Variants in ANKRD31 observed in about 807,000 individuals in gnomAD.
The protein encoded by ANKRD31 is ankyrin repeat domain 31, also known as ankyrin repeat domain-containing protein 31.
ANKRD31 carries 147 observed loss-of-function variants against 186.0 expected under a neutral mutation model. The ratio of observed to expected loss-of-function variants is 0.79; its 90% CI spans 0.69 to 0.91. The LOEUF (loss-of-function observed/expected upper bound fraction) is 0.91. ANKRD31 is among the 40% of genes least tolerant of loss of function. ANKRD31 has a pLI of 0.00. For missense variants in ANKRD31, 1,986 were observed against 2,148.8 expected (o/e 0.92, Z 1.50); for synonymous variants, 673 against 736.4 (o/e 0.91, Z 1.39).
intron 2 of ANKRD31, among the ~76,000 whole-genome samples, chr5:75,223,839 T>A (rs1322834573): frequency 6.6e-6 from 1 of 151,868 alleles, no homozygotes; most frequent in East Asian, 1.9e-4. Flanking sequence ...GAGATTAATA[T>A]CCTTATAAAA....
intron 11 of ANKRD31, among the ~76,000 whole-genome samples, chr5:75,158,389 A>G (rs1752339359): frequency 6.6e-6 from 1 of 152,192 alleles, no homozygotes; most frequent in Non-Finnish European, 1.5e-5. Flanking sequence ...TGTGAGGGAA[A>G]TAGACTTCAC....
At position 75,137,899 on chromosome 5, in the gene ANKRD31, C is replaced by T. The variant is rs982279923; in HGVS notation, c.3833G>A (p.Gly1278Glu). The T allele has an allele frequency of 7.2e-6, 11 of 1,533,230 alleles. No homozygotes were observed. The East Asian group carries it at 7.4e-5, about 10-fold the overall frequency. 95.0% of individuals were successfully genotyped at this position (1,533,230 alleles called of 1,614,324 possible). A position where few individuals can be genotyped will look rare whatever the true frequency, so the allele number is the denominator to read the frequency against. ...AACAGCATCATGTAAGGGCAGAATT[C>T]CATCTATATTTTCACAATTAACCTT... Reference protein sequence around the residue: ...GAKVNCENIDGILPLHDAVAN... With the variant: ...GAKVNCENIDEILPLHDAVAN... The change falls in exon 17 of 26, where the codon GGA (glycine) becomes GAA (glutamate). Residue 1278 changes from glycine to glutamate, a missense_variant. By Grantham distance (98) the Gly-to-Glu change is moderately conservative. Transcript: ENST00000506364.
At chr5:75,172,253 T>C (rs1753387951) in intron 10 of ANKRD31, among the ~76,000 whole-genome samples, 3 of 151,718 alleles carry the variant, frequency 2.0e-5, no homozygotes, top group Admixed American at 2.0e-4. Flanking sequence ...GTTTAACATT[T>C]GAAAATCAAT....
chr5:75,220,515 G>A (rs1049843341), intron 3 of ANKRD31, among the ~76,000 whole-genome samples: 5 of 151,932 alleles, frequency 3.3e-5, no homozygotes, highest in Non-Finnish European at 7.4e-5. Flanking sequence ...GATGGTGCAT[G>A]CCTGTAATTC....
intron 22 of ANKRD31, among the ~76,000 whole-genome samples, chr5:75,098,498 T>C (rs1246334080): frequency 6.6e-6 from 1 of 152,146 alleles, no homozygotes; most frequent in African/African-American, 2.4e-5. Context: ...GGGGATGGCA[T>C]TGAATCTATA....
chr5:75,224,055 T>G (rs1757461548), intron 2 of ANKRD31, among the ~76,000 whole-genome samples: 1 of 146,836 alleles, frequency 6.8e-6, no homozygotes, highest in South Asian at 2.2e-4. Flanking sequence ...TATAGTTTTG[T>G]TATAGCAGCC....
chr5:75,085,345 C>G (rs1220780492), intron 23 of ANKRD31, among the ~76,000 whole-genome samples: 1 of 151,998 alleles, frequency 6.6e-6, no homozygotes, highest in African/African-American at 2.4e-5. Context: ...ATAAAAGACT[C>G]TGAAGTCCCG....
Position 75,236,770 on chromosome 5 carries a change from A to T in ANKRD31, c.-84T>A. ...AAAAAAACGCTTTGAGGGCCAGGGG[A>T]AATTGTGAATTAAAAATAAAAATAA... is the stretch of plus-strand genomic sequence containing the variant. On this transcript the variant is annotated 5_prime_UTR_variant, in exon 1 of 26. Coordinates refer to ENST00000506364, the MANE Select transcript of ANKRD31 (RefSeq NM_001372053.1). The T allele has an allele frequency of 9.6e-7, 1 of 1,039,344 alleles. No homozygotes were observed. Among genetic ancestry groups the T allele is most frequent in the Non-Finnish European group, 1.4e-6 (1 of 727,656 alleles). The allele number at this position is 1,039,344 out of a possible 1,614,324, so 64.4% of individuals were successfully genotyped here.
chr5:75,124,775 A>G (rs879675784), intron 17 of ANKRD31, among the ~76,000 whole-genome samples: 2 of 152,060 alleles, frequency 1.3e-5, no homozygotes, highest in Admixed American at 1.3e-4. Context: ...TAATGTGTAT[A>G]CATGGACAGA....
At chr5:75,123,619 A>G (rs905040208) in intron 17 of ANKRD31, among the ~76,000 whole-genome samples, 1 of 152,132 alleles carries the variant, frequency 6.6e-6, no homozygotes, top group Non-Finnish European at 1.5e-5. Flanking sequence ...AGAATAAAAG[A>G]ATAGAGAACC....
chr5:75,113,799 C>A (rs985182536), intron 19 of ANKRD31, among the ~76,000 whole-genome samples: 1 of 152,078 alleles, frequency 6.6e-6, no homozygotes, highest in Admixed American at 6.6e-5. Flanking sequence ...ATATAAAAAA[C>A]AAGCAAAAAT....
chr5:75,226,973 T>C (rs1757668583), intron 2 of ANKRD31, among the ~76,000 whole-genome samples: 1 of 151,990 alleles, frequency 6.6e-6, no homozygotes. Context: ...AAGAGATATC[T>C]GCACTCCCAC....
chr5:75,132,831 T>C (rs1749984569), intron 17 of ANKRD31, among the ~76,000 whole-genome samples: 1 of 152,138 alleles, frequency 6.6e-6, no homozygotes, highest in African/African-American at 2.4e-5. Flanking sequence ...GCAGAAACTC[T>C]ACAAGCCAGA....
chr5:75,072,921 G>A (rs762052228), intron 25 of ANKRD31, among the ~76,000 whole-genome samples: 15 of 152,172 alleles, frequency 9.9e-5, no homozygotes, highest in South Asian at 2.1e-4. Flanking sequence ...TAGGATGTTG[G>A]AGTGTAAGAC....
chr5:75,136,852 A>G (rs2150127207), intron 17 of ANKRD31, among the ~76,000 whole-genome samples: 1 of 152,342 alleles, frequency 6.6e-6, no homozygotes. Context: ...GGATGAGTTC[A>G]TGTCCTTTGC....
At chr5:75,192,585 G>A (rs1281007699) in intron 9 of ANKRD31, 82 bp downstream of exon 9, 14 of 1,156,072 alleles carry the variant, frequency 1.2e-5, no homozygotes, top group Admixed American at 2.5e-5. Flanking sequence ...AAATTAGAAA[G>A]TTGAGAAAGA....
intron 19 of ANKRD31, among the ~76,000 whole-genome samples, chr5:75,115,293 A>G (rs1161209030): frequency 6.6e-6 from 1 of 151,662 alleles, no homozygotes; most frequent in African/African-American, 2.4e-5. Flanking sequence ...TAGACCTAAA[A>G]CCATAAAAAC....
intron 14 of ANKRD31, among the ~76,000 whole-genome samples, chr5:75,145,326 C>T (rs1383190014): frequency 6.6e-6 from 1 of 151,910 alleles, no homozygotes; most frequent in Non-Finnish European, 1.5e-5. Flanking sequence ...TACCAAAGAC[C>T]TGAAACCAAC....
rs568393790 is a variant in ANKRD31 at position 75,141,894 on chromosome 5, T to C, written c.3595+2107A>G. Among the ~76,000 whole-genome samples, 4 of 152,170 alleles carry C rather than the reference T, an allele frequency of 2.6e-5. No homozygotes were observed. The South Asian group carries it at 8.3e-4, about 31-fold the overall frequency. Reference sequence around the variant, plus strand: ...GTGTTTGTAGCAAAGAAGGTAGCCATGTAATATACATTTTGGAGCAAAAAC... The same window carrying C: ...GTGTTTGTAGCAAAGAAGGTAGCCACGTAATATACATTTTGGAGCAAAAAC... On this transcript the variant is annotated intron_variant, in intron 15 of 25. Transcript: ENST00000506364.
Sources: gnomAD v4.1 joint callset for allele counts (sites outside exome capture counted in the v4.1 genomes callset) on GRCh38, gnomAD v4.1.1 for gene constraint, MANE v1.5 for transcripts, NCBI Gene and HGNC (gene_info 2026-07-23, HGNC 2026-07-21) for gene names.